Variants in DSCAM observed in about 807,000 individuals in gnomAD.
DSCAM encodes the protein cell adhesion molecule DSCAM.
Under a neutral mutation model 217.7 loss-of-function variants are expected in DSCAM, and 47 were observed. The observed-to-expected ratio is 0.22, with a 90% confidence interval of 0.17 to 0.28. The LOEUF is 0.28. DSCAM is among the 10% of genes least tolerant of loss of function. The pLI is 1.00. For synonymous variants in DSCAM, 1,056 were observed against 1,015.3 expected, an observed-to-expected ratio of 1.04 and a Z score of -0.76; for missense variants, 2,080 against 2,618.3, an observed-to-expected ratio of 0.79 and a Z score of 4.49.
chr21:40,468,044 C>A (rs541378430), intron 3 of DSCAM, among the ~76,000 whole-genome samples: 2 of 151,980 alleles, frequency 1.3e-5, no homozygotes, highest in East Asian at 1.9e-4. Context: ...TTCACCCTGA[C>A]GAGATAAATT....
chr21:40,473,855 G>A (rs964417415), intron 3 of DSCAM, among the ~76,000 whole-genome samples: 7 of 152,140 alleles, frequency 4.6e-5, no homozygotes, highest in Admixed American at 2.6e-4. Flanking sequence ...CATCTACAGT[G>A]TTGGAAGGAA....
At chr21:40,366,055 G>T (rs2074829184) in intron 4 of DSCAM, among the ~76,000 whole-genome samples, 1 of 151,300 alleles carries the variant, frequency 6.6e-6, no homozygotes, top group South Asian at 2.1e-4. Context: ...TTATTTTCTG[G>T]CTGTCTAAAT....
In DSCAM at chr21:40,519,862, A is replaced by ATG. The variant is rs1341323451; in HGVS notation, c.509-150619_509-150618dup. 5.8e-3 allele frequency among the ~76,000 whole-genome samples: 829 copies of ATG among 143,994 alleles called. 11 individuals carry two copies. Among genetic ancestry groups the ATG allele is most frequent in the African/African-American group, 0.02 (769 of 38,008 alleles). 94.5% of individuals were successfully genotyped at this position (143,994 alleles called of 152,430 possible). On this transcript the variant is annotated intron_variant, in intron 3 of 32. Transcript: ENST00000400454. ...TCTCTCTCTCTCTCTGTGTGTGTGT[A>ATG]TGCGTGTGTGTGTGTGTCCATACAC... is the stretch of plus-strand genomic sequence containing the variant.
chr21:40,083,795 T>A, intron 24 of DSCAM, 113 bp downstream of exon 24: 1 of 690,012 alleles, frequency 1.4e-6, no homozygotes, highest in Non-Finnish European at 2.3e-6. Flanking sequence ...ATATGACGTA[T>A]TTTTGGGGGA....
chr21:40,397,807 A>G (rs909930920), intron 3 of DSCAM, among the ~76,000 whole-genome samples: 1 of 152,018 alleles, frequency 6.6e-6, no homozygotes, highest in Non-Finnish European at 1.5e-5. Flanking sequence ...TATTACCAAT[A>G]CTGCTACCAC....
At chr21:40,282,590 CAAAAAAAAAAAAAAAA>C (rs528248714) in intron 10 of DSCAM, among the ~76,000 whole-genome samples, 2 of 32,952 alleles carry the variant, frequency 6.1e-5, no homozygotes, top group African/African-American at 1.2e-4. Context: ...GACTCTGTCT[CAAAAAAAAAAAAAAAA>C]AAAAAAAAAA....
chr21:40,681,445 C>T (rs2090399454), intron 3 of DSCAM, among the ~76,000 whole-genome samples: 1 of 151,828 alleles, frequency 6.6e-6, no homozygotes, highest in Admixed American at 6.6e-5. Context: ...CTCCTGGCTA[C>T]CCTGATGGGG....
intron 3 of DSCAM, among the ~76,000 whole-genome samples, chr21:40,458,268 G>C (rs144689712): frequency 8.0e-4 from 122 of 152,256 alleles, no homozygotes; most frequent in Middle Eastern, 6.8e-3. Context: ...AGGTCACAAA[G>C]AGAAGTTCAT....
At chr21:40,605,500 G>A (rs2089221725) in intron 3 of DSCAM, among the ~76,000 whole-genome samples, 1 of 152,132 alleles carries the variant, frequency 6.6e-6, no homozygotes, top group East Asian at 1.9e-4. Flanking sequence ...TTTTGGCTTT[G>A]AGAGATACAG....
chr21:40,199,199 C>G (rs898636975), intron 11 of DSCAM, among the ~76,000 whole-genome samples: 1 of 152,190 alleles, frequency 6.6e-6, no homozygotes, highest in Non-Finnish European at 1.5e-5. Context: ...CCAAGCCACT[C>G]AATACATCAC....
chr21:40,287,247 G>T (rs1569042786), intron 10 of DSCAM, among the ~76,000 whole-genome samples: 1 of 152,280 alleles, frequency 6.6e-6, no homozygotes, highest in African/African-American at 2.4e-5. Context: ...GTGATCTGCA[G>T]TGTGAGCCCT....
chr21:40,498,862 T>C (rs1280186932), intron 3 of DSCAM, among the ~76,000 whole-genome samples: 5 of 144,326 alleles, frequency 3.5e-5, no homozygotes, highest in Non-Finnish European at 6.0e-5. Flanking sequence ...ATGGTACATA[T>C]TATAAGAGAG....
chr21:40,159,595 A>AT (rs2090517518), intron 16 of DSCAM, among the ~76,000 whole-genome samples: 1 of 152,152 alleles, frequency 6.6e-6, no homozygotes, highest in African/African-American at 2.4e-5. Context: ...AATTAATTAA[A>AT]TTTTTGAGAC....
chr21:40,708,519 G>A lies in DSCAM; in HGVS notation c.296C>T (p.Thr99Ile). Residue 99 changes from threonine (T) to isoleucine (I), a missense_variant, in exon 2 of 33, where the codon ACT (threonine) becomes ATT (isoleucine). Physicochemically the swap from Thr to Ile is moderately conservative, Grantham distance 89. Around this residue, in one of 5 missense-constraint regions of DSCAM, gnomAD observed 568 missense variants for 678.1 expected, o/e 0.84. Transcript: ENST00000400454. ...SSFSTLIHDN[T>I]YYCTAENPSG... ...AGGATTTTCAGCTGTGCAATAATAA[G>A]TATTATCATGGATTAAGGTACTGAA... The A allele has an allele frequency of 6.4e-7, 1 of 1,558,320 alleles. No homozygotes were observed. The highest frequency in any genetic ancestry group is 8.7e-7 in the Non-Finnish European group (1 of 1,150,112).
intron 20 of DSCAM, among the ~76,000 whole-genome samples, chr21:40,110,037 A>G (rs917093701): frequency 6.6e-6 from 1 of 152,168 alleles, no homozygotes; most frequent in African/African-American, 2.4e-5. Flanking sequence ...TGAACACTTA[A>G]ATGTCACTGT....
At chr21:40,048,776 TCA>T (rs1175127993) in intron 30 of DSCAM, among the ~76,000 whole-genome samples, 1 of 152,190 alleles carries the variant, frequency 6.6e-6, no homozygotes, top group Non-Finnish European at 1.5e-5. Context: ...TCCATGGAAT[TCA>T]CAGAGGTATA....
chr21:40,721,441 T>C (rs535177650), intron 1 of DSCAM, among the ~76,000 whole-genome samples: 1 of 152,260 alleles, frequency 6.6e-6, no homozygotes, highest in South Asian at 2.1e-4. Flanking sequence ...GAAGAGCTCA[T>C]TGATGAGAGA....
At chr21:40,348,277 C>A in intron 5 of DSCAM, among the ~76,000 whole-genome samples, 1 of 152,136 alleles carries the variant, frequency 6.6e-6, no homozygotes. Context: ...CACATTATTG[C>A]AATCATACCC....
chr21:40,111,417 A>G (rs2146636611), intron 20 of DSCAM, among the ~76,000 whole-genome samples: 1 of 152,168 alleles, frequency 6.6e-6, no homozygotes, highest in African/African-American at 2.4e-5. Context: ...TAAAGGAAGC[A>G]CTAAACATGG....
Sources: allele counts gnomAD v4.1 joint callset (sites outside exome capture counted in the v4.1 genomes callset), GRCh38; gene constraint gnomAD v4.1.1; regional missense constraint gnomAD v4.1.1; transcripts MANE v1.5; gene names NCBI Gene and HGNC (gene_info 2026-07-23, HGNC 2026-07-21).